PPP6R2: variants seen among roughly 807,000 people sequenced by gnomAD.
PPP6R2 encodes serine/threonine-protein phosphatase 6 regulatory subunit 2.
In PPP6R2, 62 loss-of-function variants were observed where a neutral mutation model predicts 100.2. That is an observed-to-expected ratio of 0.62 (90% confidence interval 0.50 to 0.76). PPP6R2 has a LOEUF of 0.76. PPP6R2 is among the 30% of genes least tolerant of loss of function. The pLI is 0.00. For synonymous variants in PPP6R2, 525 were observed against 514.7 expected, an observed-to-expected ratio of 1.02 and a Z score of -0.27; for missense variants, 1,142 against 1,276.3, an observed-to-expected ratio of 0.89 and a Z score of 1.60.
At chr22:50,393,160 G>A (rs1210773911) in intron 2 of PPP6R2, among the ~76,000 whole-genome samples, 1 of 152,196 alleles carries the variant, frequency 6.6e-6, no homozygotes, top group Non-Finnish European at 1.5e-5. Flanking sequence ...GGGAAGCAGA[G>A]GAGGGGCTGG....
intron 1 of PPP6R2, among the ~76,000 whole-genome samples, chr22:50,362,197 C>T (rs915634391): frequency 7.2e-5 from 11 of 152,298 alleles, no homozygotes; most frequent in African/African-American, 2.6e-4. Context: ...TAATGCTGGC[C>T]ATCTCTGTCC....
chr22:50,400,691 G>A (rs1304766301), intron 3 of PPP6R2, among the ~76,000 whole-genome samples: 2 of 152,156 alleles, frequency 1.3e-5, no homozygotes, highest in Non-Finnish European at 2.9e-5. Context: ...TAATAGGTAA[G>A]TACAAAATCA....
intron 1 of PPP6R2, among the ~76,000 whole-genome samples, chr22:50,369,834 C>T (rs1471311742): frequency 6.6e-6 from 1 of 151,372 alleles, no homozygotes. Context: ...CTCCTGTGCT[C>T]AAGCAGTCCT....
intron 2 of PPP6R2, among the ~76,000 whole-genome samples, chr22:50,379,364 G>T (rs1272840021): frequency 6.6e-6 from 1 of 152,066 alleles, no homozygotes; most frequent in African/African-American, 2.4e-5. Flanking sequence ...GGGAGCGGTG[G>T]TGCATGCCTG....
intron 2 of PPP6R2, among the ~76,000 whole-genome samples, chr22:50,372,375 C>A (rs1342239429): frequency 6.6e-6 from 1 of 151,916 alleles, no homozygotes; most frequent in Non-Finnish European, 1.5e-5. Context: ...CATGATGAAA[C>A]CCGTCTCTAC....
rs2066584937 is a variant in PPP6R2 at position 50,444,359 on chromosome 22, ATGCTGCATTGG to A, written c.*114_*124del. On this transcript the variant is annotated 3_prime_UTR_variant, in exon 24 of 24. Coordinates refer to ENST00000612753, the MANE Select transcript of PPP6R2 (RefSeq NM_001242898.2). The stretch of plus-strand genomic sequence containing the variant: ...TTAATTTAATTTAATTTTAAAATAA[ATGCTGCATTGG>A]TAAAGCTGGCAGTTGAAACCAGTTG... 5.3e-6 allele frequency: 7 copies of A among 1,327,302 alleles called. No homozygotes were observed. In the East Asian group the frequency reaches 1.8e-4, roughly 34 times the overall value. 82.2% of individuals were successfully genotyped at this position (1,327,302 alleles called of 1,614,324 possible). A position where few individuals can be genotyped will look rare whatever the true frequency, so the allele number is the denominator to read the frequency against.
intron 1 of PPP6R2, among the ~76,000 whole-genome samples, chr22:50,371,761 C>T (rs573707988): frequency 2.6e-5 from 4 of 152,182 alleles, no homozygotes; most frequent in South Asian, 4.1e-4. Flanking sequence ...CTCAGCCTCC[C>T]GAGTAGCTGG....
the PPP6R2 span, among the ~76,000 whole-genome samples, chr22:50,331,622 T>C: frequency 6.7e-6 from 1 of 148,996 alleles, no homozygotes; most frequent in African/African-American, 2.5e-5. Flanking sequence ...CTATTTTTTT[T>C]AACTTCTTTT....
intron 1 of PPP6R2, among the ~76,000 whole-genome samples, chr22:50,359,944 T>C (rs2047436864): frequency 6.6e-6 from 1 of 152,198 alleles, no homozygotes; most frequent in Non-Finnish European, 1.5e-5. Flanking sequence ...AAGGACAAAT[T>C]CCCTCAGCTT....
chr22:50,354,071 G>C (rs537435006), intron 1 of PPP6R2, among the ~76,000 whole-genome samples: 3 of 152,250 alleles, frequency 2.0e-5, no homozygotes, highest in Admixed American at 2.0e-4. Context: ...TTTGGAGGCC[G>C]AGGTGGGCGG....
upstream of PPP6R2, among the ~76,000 whole-genome samples, chr22:50,340,380 TG>T (rs1214571825): frequency 7.7e-6 from 1 of 129,470 alleles, no homozygotes; most frequent in Non-Finnish European, 1.6e-5. Context: ...GTATGTGGTG[TG>T]TATGGTATGT....
At chr22:50,349,381 A>AAAAC (rs2044496076) in intron 1 of PPP6R2, among the ~76,000 whole-genome samples, 1 of 150,128 alleles carries the variant, frequency 6.7e-6, no homozygotes, top group Non-Finnish European at 1.5e-5. Context: ...AAAAAAAAAA[A>AAAAC]AAACGGGCTG....
chr22:50,392,534 C>T (rs1000110499), intron 2 of PPP6R2, among the ~76,000 whole-genome samples: 2 of 152,200 alleles, frequency 1.3e-5, no homozygotes, highest in Non-Finnish European at 2.9e-5. Flanking sequence ...TGCAGGGCCT[C>T]ACCCTTAGCT....
At chr22:50,359,372 C>T (rs1261821479) in intron 1 of PPP6R2, among the ~76,000 whole-genome samples, 1 of 152,042 alleles carries the variant, frequency 6.6e-6, no homozygotes, top group African/African-American at 2.4e-5. Flanking sequence ...GCGCCCACCA[C>T]CGCACCCGGC....
chr22:50,431,443 T>C lies in PPP6R2; in HGVS notation c.1335+61T>C. On this transcript the variant is annotated intron_variant, in intron 11 of 23. Coordinates refer to ENST00000612753, the MANE Select transcript of PPP6R2 (RefSeq NM_001242898.2). The surrounding 1 kb of genome is among the most constrained non-coding windows in gnomAD (Gnocchi z 4.8). ...CTGCGCCCCACTCAGACCGTGTCCA[T>C]GTCAGCGCTGACGTGTGCCGGACCT... The C allele has an allele frequency of 2.7e-6, 4 of 1,463,172 alleles. No homozygotes were observed. The highest frequency in any genetic ancestry group is 2.3e-5 in the East Asian group (1 of 42,784). The allele number at this position is 1,463,172 out of a possible 1,614,324, so 90.6% of individuals were successfully genotyped here. A position where few individuals can be genotyped will look rare whatever the true frequency, so the allele number is the denominator to read the frequency against.
At chr22:50,377,367 A>T (rs949738860) in intron 2 of PPP6R2, among the ~76,000 whole-genome samples, 17 of 152,174 alleles carry the variant, frequency 1.1e-4, no homozygotes, top group Non-Finnish European at 2.4e-4. Flanking sequence ...AGGTGGGAAG[A>T]TCACTCGAGC....
chr22:50,361,475 G>T (rs760624236), intron 1 of PPP6R2, among the ~76,000 whole-genome samples: 13 of 152,158 alleles, frequency 8.5e-5, no homozygotes, highest in Non-Finnish European at 1.5e-4. Flanking sequence ...TCCTGTGGCT[G>T]CTGGAACCCT....
rs1167224015 is a variant in PPP6R2 at position 50,444,038 on chromosome 22, G to A, written c.2752G>A (p.Ala918Thr). Residue 918 changes from alanine to threonine, a missense_variant, in exon 23 of 24, where the codon GCG becomes ACG. Ala to Thr is a moderately conservative substitution (Grantham distance 58). Around this residue, in one of 2 missense-constraint regions of PPP6R2, gnomAD observed 550 missense variants for 517.4 expected, o/e 1.06. Transcript: ENST00000612753. ...TPAVSSALAV[A>T]VPLGPIMAVT... is the part of the protein sequence containing the mutation. Reference sequence around the variant, plus strand: ...AGCAGTCTCTTCTGCACTGGCCGTGGCGGTCCCCCTAGGGCCCATCATGGC... The same window carrying A: ...AGCAGTCTCTTCTGCACTGGCCGTGACGGTCCCCCTAGGGCCCATCATGGC... 3.1e-6 allele frequency: 5 copies of A among 1,613,144 alleles called. No individual in the cohort carries two copies. The highest frequency in any genetic ancestry group is 1.7e-4 in the Middle Eastern group (1 of 6,056).
intron 1 of PPP6R2, among the ~76,000 whole-genome samples, chr22:50,368,455 A>G (rs541390982): frequency 6.6e-6 from 1 of 152,202 alleles, no homozygotes; most frequent in South Asian, 2.1e-4. Flanking sequence ...TTCAGCTCCT[A>G]TCTCTGTATG....
Sources: gnomAD v4.1 joint callset for allele counts (sites outside exome capture counted in the v4.1 genomes callset) on GRCh38, gnomAD v4.1.1 for gene constraint, gnomAD v4.1.1 regional missense constraint, Gnocchi (gnomAD v3.1) non-coding constraint, MANE v1.5 for transcripts, NCBI Gene and HGNC (gene_info 2026-07-23, HGNC 2026-07-21) for gene names.